Variants in WWOX observed in about 807,000 individuals in gnomAD.
The protein encoded by WWOX is WW domain containing oxidoreductase.
Under a neutral mutation model 46.2 loss-of-function variants are expected in WWOX, and 69 were observed. The ratio of observed to expected loss-of-function variants is 1.49; its 90% confidence interval spans 1.23 to 1.82. WWOX has a LOEUF of 1.82. Ranked by LOEUF, WWOX falls within the 40% of genes most tolerant of loss-of-function variation. The pLI is 0.00. For missense variants in WWOX, 919 were observed against 542.6 expected (o/e 1.69, Z -6.89); for synonymous variants, 359 against 202.6 (o/e 1.77, Z -6.56).
At chr16:78,926,227 G>T (rs1275007618) in intron 8 of WWOX, among the ~76,000 whole-genome samples, 4 of 152,120 alleles carry the variant, frequency 2.6e-5, no homozygotes, top group African/African-American at 9.7e-5. Context: ...TACAAGCTTA[G>T]CCAGGCATGG....
At chr16:78,336,301 C>T (rs1336143988) in intron 5 of WWOX, among the ~76,000 whole-genome samples, 10 of 144,804 alleles carry the variant, frequency 6.9e-5, no homozygotes, top group African/African-American at 2.0e-4. Context: ...GGTGAAACCC[C>T]ATCCCTACTA....
At chr16:78,352,198 G>T (rs762440883) in intron 5 of WWOX, among the ~76,000 whole-genome samples, 3 of 152,238 alleles carry the variant, frequency 2.0e-5, no homozygotes, top group Non-Finnish European at 4.4e-5. Flanking sequence ...ACAGGAGCCA[G>T]AAGTTTGGAT....
At chr16:78,773,543 T>C (rs1361953514) in intron 8 of WWOX, among the ~76,000 whole-genome samples, 1 of 152,206 alleles carries the variant, frequency 6.6e-6, no homozygotes, top group Non-Finnish European at 1.5e-5. Context: ...AAAACGCTGT[T>C]ACTATTCTTA....
chr16:78,807,233 G>T (rs565792867), intron 8 of WWOX, among the ~76,000 whole-genome samples: 1 of 152,054 alleles, frequency 6.6e-6, no homozygotes, highest in Non-Finnish European at 1.5e-5. Context: ...CCACTGAGTC[G>T]CAACATGCCA....
chr16:78,537,476 G>C (rs1440976178), intron 8 of WWOX, among the ~76,000 whole-genome samples: 1 of 152,140 alleles, frequency 6.6e-6, no homozygotes, highest in African/African-American at 2.4e-5. Flanking sequence ...AATTTTAAAA[G>C]TTCTCATTGT....
chr16:78,480,955 T>C (rs2084470420), intron 8 of WWOX, among the ~76,000 whole-genome samples: 1 of 152,164 alleles, frequency 6.6e-6, no homozygotes, highest in Admixed American at 6.5e-5. Flanking sequence ...GAATAGCAAA[T>C]AGTAAGAAAA....
intron 3 of WWOX, among the ~76,000 whole-genome samples, chr16:78,114,197 A>G (rs2032652819): frequency 6.7e-6 from 1 of 149,896 alleles, no homozygotes; most frequent in South Asian, 2.1e-4. Context: ...TCTTAGGCTC[A>G]CGTGATCATC....
intron 5 of WWOX, among the ~76,000 whole-genome samples, chr16:78,217,872 A>G (rs766766986): frequency 3.3e-5 from 5 of 152,112 alleles, no homozygotes; most frequent in African/African-American, 4.8e-5. Context: ...AGTGAAGTCA[A>G]ATGACCCTCA....
intron 8 of WWOX, among the ~76,000 whole-genome samples, chr16:79,175,073 T>C (rs2050774026): frequency 6.6e-6 from 1 of 152,198 alleles, no homozygotes; most frequent in Non-Finnish European, 1.5e-5. Context: ...TACAACCACA[T>C]CAACTGTGCA....
intron 8 of WWOX, among the ~76,000 whole-genome samples, chr16:78,434,129 T>G (rs1228561967): frequency 6.6e-6 from 1 of 152,104 alleles, no homozygotes; most frequent in Admixed American, 6.5e-5. Flanking sequence ...TCTTTTGAAG[T>G]GCTTAGGAGG....
At chr16:78,825,357 C>T (rs896318356) in intron 8 of WWOX, 5 of 291,260 alleles carry the variant, frequency 1.7e-5, no homozygotes, top group South Asian at 4.1e-5. Context: ...CAGTTTCTTA[C>T]TCCGGAGCTG....
intron 8 of WWOX, among the ~76,000 whole-genome samples, chr16:78,683,943 G>C (rs181871710): frequency 4.7e-4 from 71 of 152,288 alleles, no homozygotes; most frequent in Non-Finnish European, 9.0e-4. Flanking sequence ...GAGGAAAGGA[G>C]GCAGTTTTGG....
At chr16:79,106,448 G>C (rs2049308791) in intron 8 of WWOX, among the ~76,000 whole-genome samples, 1 of 152,092 alleles carries the variant, frequency 6.6e-6, no homozygotes, top group Non-Finnish European at 1.5e-5. Flanking sequence ...GGGATTCTGG[G>C]ATGAATCTGG....
chr16:78,915,695 A>ATT (rs11399149), intron 8 of WWOX, among the ~76,000 whole-genome samples: 1 of 113,888 alleles, frequency 8.8e-6, no homozygotes, highest in East Asian at 2.5e-4. Flanking sequence ...CTCCAAAGCC[A>ATT]TTTAAAAAAA....
rs10706775 is a variant in WWOX at position 78,914,880 on chromosome 16, GAAAAAAA to G, written c.1057-296711_1057-296705del. 6.0e-3 allele frequency among the ~76,000 whole-genome samples: 413 copies of G among 69,380 alleles called. 4 individuals carry two copies. Among genetic ancestry groups the G allele is most frequent in the African/African-American group, 0.024 (379 of 16,090 alleles). The allele number at this position is 69,380 out of a possible 152,430, so 45.5% of individuals were successfully genotyped here. A position where few individuals can be genotyped will look rare whatever the true frequency, so the allele number is the denominator to read the frequency against. ...GGTGACAGAGCGAGACTCCGCCTCAGAAAAAAAAAAAAAAAAAAAAAAAGGAACCAGA... is the reference window on the plus strand; with the variant it reads ...GGTGACAGAGCGAGACTCCGCCTCAGAAAAAAAAAAAAAAAAGGAACCAGA... On this transcript the variant is annotated intron_variant, in intron 8 of 8. Transcript: ENST00000566780.
chr16:79,085,327 T>C (rs375844523), intron 8 of WWOX, among the ~76,000 whole-genome samples: 139 of 152,260 alleles, frequency 9.1e-4, no homozygotes, highest in African/African-American at 3.2e-3. Context: ...ACAGTAGTAA[T>C]AGTGGCCAAG....
At chr16:78,627,945 C>T (rs1312935340) in intron 8 of WWOX, among the ~76,000 whole-genome samples, 1 of 152,224 alleles carries the variant, frequency 6.6e-6, no homozygotes. Flanking sequence ...CCTTGAGTGT[C>T]ACCTGTTGAG....
chr16:79,210,527 C>G (rs1354931850), intron 8 of WWOX, among the ~76,000 whole-genome samples: 5 of 152,178 alleles, frequency 3.3e-5, no homozygotes, highest in Non-Finnish European at 7.3e-5. Flanking sequence ...TGGGGGCGAG[C>G]TTATCTTCAG....
intron 8 of WWOX, among the ~76,000 whole-genome samples, chr16:78,528,003 T>TTTTTTTTTTTTTTG (rs2043521163): frequency 9.8e-6 from 1 of 101,920 alleles, no homozygotes; most frequent in African/African-American, 3.8e-5. Flanking sequence ...TTTTTTTTTT[T>TTTTTTTTTTTTTTG]TTTTTTTTTT....
Sources: allele counts gnomAD v4.1 joint callset (sites outside exome capture counted in the v4.1 genomes callset), GRCh38; gene constraint gnomAD v4.1.1; transcripts MANE v1.5; gene names NCBI Gene and HGNC (gene_info 2026-07-23, HGNC 2026-07-21).